The following CTDSP1 variants were observed in gnomAD, a reference collection of about 807,000 sequenced individuals.
The protein encoded by CTDSP1 is CTD small phosphatase 1, also known as carboxy-terminal domain RNA polymerase II polypeptide A small phosphatase 1.
CTDSP1 carries 15 observed loss-of-function variants against 32.5 expected under a neutral mutation model. The ratio of observed to expected loss-of-function variants is 0.46; its 90% CI spans 0.31 to 0.71. The LOEUF (loss-of-function observed/expected upper bound fraction) is 0.71. Ranked by LOEUF, CTDSP1 falls within the 30% of genes least tolerant of loss-of-function variation. CTDSP1 has a pLI of 0.05. For synonymous variants in CTDSP1, 185 were observed against 145.4 expected (o/e 1.27, Z -1.96); for missense variants, 294 against 351.1 (o/e 0.84, Z 1.30).
Position 218,405,336 on chromosome 2 carries a change from TG to T in CTDSP1, c.*914del, listed in dbSNP as rs1697359549. 6.6e-6 allele frequency: 1 copy of T among 152,602 alleles called. No individual in the cohort carries two copies. Among genetic ancestry groups the T allele is most frequent in the East Asian group, 1.9e-4 (1 of 5,338 alleles). 9.5% of individuals were successfully genotyped at this position (152,602 alleles called of 1,614,324 possible). ...CTGCTATTTTCTGAATGGAACAAGC[TG>T]GGCCAAGGGGCCCAGGCCCTGTCCT... is the stretch of plus-strand genomic sequence containing the variant. On this transcript the variant is annotated 3_prime_UTR_variant, in exon 7 of 7. Coordinates refer to ENST00000273062, the MANE Select transcript of CTDSP1 (RefSeq NM_021198.3).
upstream of CTDSP1, chr2:218,399,863 T>G (rs1311979766): frequency 5.7e-6 from 7 of 1,232,692 alleles, no homozygotes; most frequent in East Asian, 3.4e-5. Flanking sequence ...CTGGGTTCCA[T>G]GTTTGCATCC....
Position 218,403,372 on chromosome 2 carries a change from C to T in CTDSP1, c.612C>T (p.Ile204=), listed in dbSNP as rs541993910. 25 of 1,612,184 alleles carry T rather than the reference C, an allele frequency of 1.6e-5. No individual in the cohort carries two copies. In the South Asian group the frequency reaches 2.6e-4, roughly 17 times the overall value. The change falls in exon 6 of 7, where the codon ATC becomes ATT. Residue 204 remains isoleucine (I), a synonymous_variant. Transcript: ENST00000273062. The part of the protein sequence containing the change: ...RLGRDLRRVL[I]LDNSPASYVF... ...GTCGAGACCTGCGGCGGGTGCTCATCCTGGACAATTCACCTGCCTCCTATG... is the reference window on the plus strand; with the variant it reads ...GTCGAGACCTGCGGCGGGTGCTCATTCTGGACAATTCACCTGCCTCCTATG...
upstream of CTDSP1, chr2:218,399,124 C>T (rs1205940900): frequency 3.3e-5 from 5 of 152,240 alleles, no homozygotes; most frequent in Non-Finnish European, 5.9e-5. Context: ...GTGGCATTTC[C>T]TCGAGGTCGG....
At chr2:218,399,214 G>A (rs1696971153), upstream of CTDSP1, 2 of 152,314 alleles carry the variant, frequency 1.3e-5, no homozygotes, top group Non-Finnish European at 2.9e-5. Context: ...GCGGCGGGTA[G>A]ACGTGCGGGG....
rs953858327 is a variant in CTDSP1 at position 218,400,260 on chromosome 2, G to A, written c.67+103G>A. The stretch of plus-strand genomic sequence containing the variant: ...GCCGCCGCCGCCGCCCCGGGCGGCC[G>A]CCTTAGCTGTGCCCGAAGCTCCCAG... On this transcript the variant is annotated intron_variant, in intron 1 of 6. Coordinates refer to ENST00000273062, the MANE Select transcript of CTDSP1 (RefSeq NM_021198.3). The A allele has an allele frequency of 6.5e-6, 7 of 1,083,034 alleles. No individual in the cohort carries two copies. The Admixed American group carries it at 1.3e-4, about 20-fold the overall frequency. 67.1% of individuals were successfully genotyped at this position (1,083,034 alleles called of 1,614,324 possible).
rs1033313215 is a variant in CTDSP1 at position 218,399,896 on chromosome 2, T to A, written c.-195T>A. 34 of 1,263,484 alleles carry A rather than the reference T, an allele frequency of 2.7e-5. No homozygotes were observed. The highest frequency in any genetic ancestry group is 4.2e-5 in the Admixed American group (1 of 23,584). 78.3% of individuals were successfully genotyped at this position (1,263,484 alleles called of 1,614,324 possible). On this transcript the variant is annotated 5_prime_UTR_variant, in exon 1 of 7. The change abolishes an upstream ATG in the 5' untranslated region. Coordinates refer to ENST00000273062, the MANE Select transcript of CTDSP1 (RefSeq NM_021198.3). ...TCCGCCTCGCGGGAAGGAAACTCCA[T>A]GTTGTAACAAAGTTTCCTCCGCGCC...
chr2:218,400,543 C>G (rs933631380), intron 1 of CTDSP1: 2 of 376,500 alleles, frequency 5.3e-6, no homozygotes, highest in African/African-American at 4.2e-5. Context: ...CGCCCCACCC[C>G]CCACCCCCAC....
intron 2 of CTDSP1, 29 bp from the exon 3 acceptor site, chr2:218,402,082 C>T: frequency 1.3e-6 from 2 of 1,496,006 alleles, no homozygotes; most frequent in South Asian, 1.1e-5. Flanking sequence ...CGGAGAGAGG[C>T]ACCCCAGCCA....
chr2:218,398,342 A>G (rs117295242), upstream of CTDSP1: 1,134 of 1,402,746 alleles, frequency 8.1e-4, 22 homozygotes, highest in East Asian at 0.026. Flanking sequence ...GGTAAATGAG[A>G]TTAGGGGGCG....
chr2:218,402,137 T>C lies in CTDSP1; in HGVS notation c.243T>C (p.Pro81=). Residue 81 remains proline, a synonymous_variant, in exon 3 of 7, where the codon CCT becomes CCC. Coordinates refer to ENST00000273062, the MANE Select transcript of CTDSP1 (RefSeq NM_021198.3). ...PKQTPVQYLL[P]EAKAQDSDKI... Reference sequence around the variant, plus strand: ...AGACCCCAGTCCAATACCTGCTCCCTGAGGCCAAGGCCCAGGACTCAGACA... The same window carrying C: ...AGACCCCAGTCCAATACCTGCTCCCCGAGGCCAAGGCCCAGGACTCAGACA... The C allele has an allele frequency of 6.2e-7, 1 of 1,611,614 alleles. No individual in the cohort carries two copies. The highest frequency in any genetic ancestry group is 2.2e-5 in the East Asian group (1 of 44,810).
rs1468759725 is a variant in CTDSP1, at chr2:218,404,416, A to G, written c.777A>G (p.Pro259=). 1 of 1,613,978 alleles carries G rather than the reference A, an allele frequency of 6.2e-7. No individual in the cohort carries two copies. The part of the protein sequence containing the change: ...DVYSVLRQPR[P]GS Reference sequence around the variant, plus strand: ...ACTCAGTGCTCAGGCAGCCACGGCCAGGGAGCTAGTGAGGGTGATGGGGCC... The same window carrying G: ...ACTCAGTGCTCAGGCAGCCACGGCCGGGGAGCTAGTGAGGGTGATGGGGCC... The change falls in exon 7 of 7, where the codon CCA becomes CCG. Residue 259 remains proline (P), a synonymous_variant. Transcript: ENST00000273062.
intron 1 of CTDSP1, chr2:218,400,969 C>G: frequency 2.5e-6 from 1 of 400,916 alleles, no homozygotes; most frequent in Non-Finnish European, 5.0e-6. Flanking sequence ...TTGCAGGGGG[C>G]CGGAGGGGGG....
upstream of CTDSP1, chr2:218,399,646 C>A: frequency 1.2e-6 from 1 of 828,248 alleles, no homozygotes; most frequent in East Asian, 1.2e-4. Context: ...GAGCCGGGTG[C>A]CGGGCCTGCC....
At chr2:218,400,576 G>C (rs1485896338) in intron 1 of CTDSP1, 1 of 375,476 alleles carries the variant, frequency 2.7e-6, no homozygotes, top group East Asian at 7.0e-5. Context: ...CGGTCCGGTA[G>C]GGTCTTGGGA....
chr2:218,402,037 G>C (rs1338760827), intron 2 of CTDSP1, 74 bp from the exon 3 acceptor site: 8 of 1,050,522 alleles, frequency 7.6e-6, no homozygotes, highest in Admixed American at 2.0e-5. Context: ...GAGACGGCTA[G>C]GGGGAGAAGC....
chr2:218,402,801 G>A, intron 4 of CTDSP1: 1 of 701,720 alleles, frequency 1.4e-6, no homozygotes, highest in East Asian at 2.6e-5. Flanking sequence ...AAGGGATTGG[G>A]AATTAGGGAC....
At chr2:218,398,479 G>T (rs1696934901), upstream of CTDSP1, 6 of 1,525,558 alleles carry the variant, frequency 3.9e-6, no homozygotes, top group African/African-American at 1.4e-5. Context: ...CGGGGACCGG[G>T]GTATCAGTCC....
Position 218,404,307 on chromosome 2 carries a change from C to A in CTDSP1, c.668C>A (p.Ala223Asp), listed in dbSNP as rs1463824381. The A allele has an allele frequency of 6.2e-7, 1 of 1,614,088 alleles. No homozygotes were observed. The highest frequency in any genetic ancestry group is 8.5e-7 in the Non-Finnish European group (1 of 1,179,962). The change falls in exon 7 of 7, where the codon GCC (alanine) becomes GAC (aspartate). Residue 223 changes from alanine (A) to aspartate (D), a missense_variant. Around this residue, in one of 2 missense-constraint regions of CTDSP1, gnomAD observed 146 missense variants for 237.7 expected, o/e 0.61. Coordinates refer to ENST00000273062, the MANE Select transcript of CTDSP1 (RefSeq NM_021198.3). Reference protein sequence around the residue: ...VFHPDNAVPVASWFDNMSDTE... With the variant: ...VFHPDNAVPVDSWFDNMSDTE... Reference sequence around the variant, plus strand: ...CACCCACTTCCCCAGGTACCGGTGGCCTCGTGGTTTGACAACATGAGTGAC... The same window carrying A: ...CACCCACTTCCCCAGGTACCGGTGGACTCGTGGTTTGACAACATGAGTGAC...
chr2:218,403,561 C>T (rs188764094), intron 6 of CTDSP1, 144 bp downstream of exon 6: 102 of 674,694 alleles, frequency 1.5e-4, no homozygotes, highest in African/African-American at 1.4e-3. Flanking sequence ...CTGTGCCTGC[C>T]GCCCACTCCC....
Sources: gnomAD v4.1 joint callset for allele counts on GRCh38, gnomAD v4.1.1 for gene constraint, gnomAD v4.1.1 regional missense constraint, MANE v1.5 for transcripts, NCBI Gene and HGNC (gene_info 2026-07-23, HGNC 2026-07-21) for gene names.